EYS: variants seen among roughly 807,000 people sequenced by gnomAD.
The protein encoded by EYS is EGF-like photoreceptor maintenance factor.
A neutral mutation model predicts 282.1 loss-of-function variants in EYS; 250 were observed. That is an observed-to-expected ratio of 0.89 (90% CI 0.80 to 0.98). The LOEUF (loss-of-function observed/expected upper bound fraction) is 0.98, where lower values mean the gene tolerates loss of function less well. Among genes scored for constraint, EYS ranks in the 50% least tolerant of loss-of-function variants. The probability of loss-of-function intolerance (pLI) is 0.00; values close to 1 mark genes in which losing one functional copy is unlikely to be tolerated. For missense variants in EYS, 4,016 were observed against 3,709.0 expected (o/e 1.08, Z -2.15); for synonymous variants, 1,355 against 1,282.9 (o/e 1.06, Z -1.20).
At chr6:64,662,729 A>C (rs527998036) in intron 22 of EYS, among the ~76,000 whole-genome samples, 226 of 152,290 alleles carry the variant, frequency 1.5e-3, no homozygotes, top group African/African-American at 5.1e-3. Context: ...ATAACATTTT[A>C]CATAATATAT....
At chr6:64,185,613 A>G (rs1431078643) in intron 31 of EYS, among the ~76,000 whole-genome samples, 1 of 152,180 alleles carries the variant, frequency 6.6e-6, no homozygotes, top group Non-Finnish European at 1.5e-5. Context: ...ATAGAAATCT[A>G]AAATCAAAAA....
At chr6:64,449,961 T>A (rs1163097295) in intron 26 of EYS, among the ~76,000 whole-genome samples, 1 of 151,994 alleles carries the variant, frequency 6.6e-6, no homozygotes, top group Non-Finnish European at 1.5e-5. Flanking sequence ...ACGAGCAAAA[T>A]AAGCAGCTAA....
chr6:64,980,739 C>A (rs1454910694), intron 14 of EYS, among the ~76,000 whole-genome samples: 2 of 151,258 alleles, frequency 1.3e-5, no homozygotes, highest in Non-Finnish European at 3.0e-5. Flanking sequence ...AATGAGAGGA[C>A]ACATTCTAGT....
chr6:63,875,038 C>T (rs1241677707), intron 35 of EYS, among the ~76,000 whole-genome samples: 1 of 152,176 alleles, frequency 6.6e-6, no homozygotes, highest in Non-Finnish European at 1.5e-5. Flanking sequence ...GAGGGCATCC[C>T]TGTCTTGTGC....
At chr6:64,940,563 T>A (rs996542812) in intron 15 of EYS, among the ~76,000 whole-genome samples, 1 of 152,058 alleles carries the variant, frequency 6.6e-6, no homozygotes, top group African/African-American at 2.4e-5. Flanking sequence ...GTTATTAATA[T>A]CAATTTGTGT....
chr6:65,252,128 G>C (rs545602418), intron 12 of EYS, among the ~76,000 whole-genome samples: 6 of 151,874 alleles, frequency 4.0e-5, no homozygotes, highest in African/African-American at 1.5e-4. Context: ...GTGAAGAGCA[G>C]AGTATTAAAC....
chr6:64,641,203 A>T (rs1051441365), intron 22 of EYS, among the ~76,000 whole-genome samples: 1 of 152,186 alleles, frequency 6.6e-6, no homozygotes, highest in Non-Finnish European at 1.5e-5. Flanking sequence ...GAAGGCAAGG[A>T]GGAGCAAGTC....
At chr6:64,966,332 G>T (rs556186716) in intron 14 of EYS, among the ~76,000 whole-genome samples, 1 of 152,258 alleles carries the variant, frequency 6.6e-6, no homozygotes, top group East Asian at 1.9e-4. Flanking sequence ...TTGGTGTTGG[G>T]GGGGGTATTG....
intron 12 of EYS, among the ~76,000 whole-genome samples, chr6:65,222,541 A>G (rs989238786): frequency 6.6e-6 from 1 of 152,218 alleles, no homozygotes. Context: ...TAAATTACTC[A>G]GTCTCAGTAT....
In EYS at chr6:64,822,734, G is replaced by A. The variant is rs1554207086; in HGVS notation, c.3081C>T (p.Thr1027=). 6 of 1,549,850 alleles carry A rather than the reference G, an allele frequency of 3.9e-6. No individual in the cohort carries two copies. Among genetic ancestry groups the A allele is most frequent in the Non-Finnish European group, 4.4e-6 (5 of 1,145,986 alleles). Reference sequence around the variant, plus strand: ...CAAAAAACCCACTCTTGCAGTCACAGGTATAATGATTGATGCCATCGATAC... The same window carrying A: ...CAAAAAACCCACTCTTGCAGTCACAAGTATAATGATTGATGCCATCGATAC... ...GVCIDGINHY[T]CDCKSGFFGT... is the part of the protein sequence containing the mutation. The change falls in exon 20 of 43, where the codon ACC becomes ACT. Residue 1027 remains threonine, a synonymous_variant. Transcript: ENST00000503581.
At chr6:64,342,202 A>C (rs2150397284) in intron 29 of EYS, among the ~76,000 whole-genome samples, 1 of 151,754 alleles carries the variant, frequency 6.6e-6, no homozygotes, top group East Asian at 1.9e-4. Flanking sequence ...TGGTACAAAA[A>C]CGCATAAAAT....
chr6:64,550,110 C>A (rs1368691973), intron 26 of EYS, among the ~76,000 whole-genome samples: 1 of 152,098 alleles, frequency 6.6e-6, no homozygotes, highest in Non-Finnish European at 1.5e-5. Flanking sequence ...TGTATATGTG[C>A]CACATTTTCT....
chr6:63,834,567 G>A (rs1771748545), intron 36 of EYS, among the ~76,000 whole-genome samples: 1 of 150,460 alleles, frequency 6.6e-6, no homozygotes, highest in Non-Finnish European at 1.5e-5. Flanking sequence ...ATGCTGGAGA[G>A]GATGTGGAGA....
At chr6:64,500,441 C>T (rs1777002930) in intron 26 of EYS, among the ~76,000 whole-genome samples, 1 of 151,982 alleles carries the variant, frequency 6.6e-6, no homozygotes, top group Admixed American at 6.6e-5. Flanking sequence ...AAATATAAAG[C>T]TGCATTTAAG....
intron 29 of EYS, among the ~76,000 whole-genome samples, chr6:64,341,446 C>A (rs145837110): frequency 6.6e-6 from 1 of 151,700 alleles, no homozygotes; most frequent in Non-Finnish European, 1.5e-5. Flanking sequence ...TGCTAGAACC[C>A]AAAGCCAAAT....
At chr6:63,909,355 T>C (rs907312379) in intron 35 of EYS, among the ~76,000 whole-genome samples, 3 of 152,210 alleles carry the variant, frequency 2.0e-5, no homozygotes, top group Non-Finnish European at 4.4e-5. Context: ...TTACTCTCTC[T>C]ATATATTTTT....
intron 41 of EYS, among the ~76,000 whole-genome samples, chr6:63,729,273 A>T (rs1768717856): frequency 6.6e-6 from 1 of 152,030 alleles, no homozygotes; most frequent in Non-Finnish European, 1.5e-5. Context: ...TGTGGCTTGT[A>T]TTCTCACTCT....
chr6:65,607,630 C>T (rs1765845612), intron 2 of EYS, among the ~76,000 whole-genome samples: 1 of 81,342 alleles, frequency 1.2e-5, no homozygotes, highest in African/African-American at 4.8e-5. Flanking sequence ...ATTTTGCGTA[C>T]CTTCAAATAT....
At chr6:64,547,420 C>T (rs976891464) in intron 26 of EYS, among the ~76,000 whole-genome samples, 1 of 152,098 alleles carries the variant, frequency 6.6e-6, no homozygotes, top group East Asian at 1.9e-4. Context: ...TTATCCACCT[C>T]CCCACTAGAT....
Sources: gnomAD v4.1 joint callset for allele counts (sites outside exome capture counted in the v4.1 genomes callset) on GRCh38, gnomAD v4.1.1 for gene constraint, MANE v1.5 for transcripts, NCBI Gene and HGNC (gene_info 2026-07-23, HGNC 2026-07-21) for gene names.